NMNAT3: variants seen among roughly 807,000 people sequenced by gnomAD.
NMNAT3 encodes nicotinamide/nicotinic acid mononucleotide adenylyltransferase 3.
Under a neutral mutation model 24.8 loss-of-function variants are expected in NMNAT3, and 21 were observed. The observed-to-expected ratio is 0.85, with a 90% CI of 0.60 to 1.22. The LOEUF (loss-of-function observed/expected upper bound fraction) is 1.22. Among genes scored for constraint, NMNAT3 ranks in the 50% most tolerant of loss-of-function variants. The pLI, the probability that NMNAT3 is intolerant of heterozygous loss-of-function variation, is 0.00. For missense variants in NMNAT3, 387 were observed against 436.6 expected, an observed-to-expected ratio of 0.89 and a Z score of 1.01; for synonymous variants, 136 against 155.2, an observed-to-expected ratio of 0.88 and a Z score of 0.92.
intron 1 of NMNAT3, among the ~76,000 whole-genome samples, chr3:139,640,512 C>T (rs200160398): frequency 6.6e-6 from 1 of 152,122 alleles, no homozygotes; most frequent in African/African-American, 2.4e-5. Context: ...TTCATTCACT[C>T]AAAAAGAAAA....
At chr3:139,577,236 A>G (rs1939463839) in intron 5 of NMNAT3, among the ~76,000 whole-genome samples, 1 of 152,144 alleles carries the variant, frequency 6.6e-6, no homozygotes, top group Admixed American at 6.6e-5. Flanking sequence ...GTCAACTCCT[A>G]TTTATCCATG....
intron 6 of NMNAT3, among the ~76,000 whole-genome samples, chr3:139,573,235 A>G (rs1317035202): frequency 6.6e-6 from 1 of 152,216 alleles, no homozygotes; most frequent in East Asian, 1.9e-4. Flanking sequence ...AAGTTTTATA[A>G]TGGCATATTT....
chr3:139,642,396 T>C (rs1196334853), intron 1 of NMNAT3, among the ~76,000 whole-genome samples: 2 of 152,120 alleles, frequency 1.3e-5, no homozygotes, highest in African/African-American at 4.8e-5. Flanking sequence ...TTCTGCATAA[T>C]GTGGTCTCTA....
intron 5 of NMNAT3, among the ~76,000 whole-genome samples, chr3:139,578,010 T>C (rs1329545204): frequency 6.6e-6 from 1 of 152,240 alleles, no homozygotes; most frequent in Non-Finnish European, 1.5e-5. Context: ...TTGCCTCCCA[T>C]TTCCTGCCAA....
At chr3:139,657,336 T>C (rs1576764142) in intron 1 of NMNAT3, among the ~76,000 whole-genome samples, 1 of 152,378 alleles carries the variant, frequency 6.6e-6, no homozygotes, top group East Asian at 1.9e-4. Flanking sequence ...TTATAACTTC[T>C]TCCCTCAAGA....
At chr3:139,678,045 G>A, upstream of NMNAT3, 1 of 91,826 alleles carries the variant, frequency 1.1e-5, no homozygotes, top group Non-Finnish European at 2.3e-5. Flanking sequence ...GCCCCGCCCA[G>A]GGTCCTAAGC....
chr3:139,591,813 A>G (rs1384541928), intron 3 of NMNAT3, among the ~76,000 whole-genome samples: 1 of 152,258 alleles, frequency 6.6e-6, no homozygotes, highest in African/African-American at 2.4e-5. Flanking sequence ...CCAAAAACCC[A>G]TCTGTACTTC....
At chr3:139,607,007 C>G (rs1031060067) in intron 3 of NMNAT3, among the ~76,000 whole-genome samples, 1 of 152,090 alleles carries the variant, frequency 6.6e-6, no homozygotes, top group Non-Finnish European at 1.5e-5. Flanking sequence ...CTGGAATCAA[C>G]CATTTCTCCA....
intron 6 of NMNAT3, among the ~76,000 whole-genome samples, chr3:139,564,225 G>A (rs866673130): frequency 6.6e-6 from 1 of 152,108 alleles, no homozygotes; most frequent in Non-Finnish European, 1.5e-5. Context: ...CCTGTCTGGC[G>A]CAGCATGTGA....
In NMNAT3 at chr3:139,600,773, A is replaced by C. The variant is rs1028158090; in HGVS notation, c.110-17565T>G. On this transcript the variant is annotated intron_variant, in intron 3 of 6. Transcript: ENST00000643695. Reference sequence around the variant, plus strand: ...CATGTGGCACTGGTTGGCTGGCAGCACCTTCTGTGTGTCTGAGCCCTTACA... The same window carrying C: ...CATGTGGCACTGGTTGGCTGGCAGCCCCTTCTGTGTGTCTGAGCCCTTACA... Among the ~76,000 whole-genome samples the C allele has an allele frequency of 5.9e-5, 9 of 152,130 alleles. 1 individual carries two copies. Among genetic ancestry groups the C allele is most frequent in the Admixed American group, 5.2e-4 (8 of 15,258 alleles).
chr3:139,655,693 C>T (rs1221013149), intron 1 of NMNAT3, among the ~76,000 whole-genome samples: 1 of 152,228 alleles, frequency 6.6e-6, no homozygotes, highest in Non-Finnish European at 1.5e-5. Context: ...GTAAGCACTG[C>T]TGCATCTTTT....
At chr3:139,572,144 TG>T (rs1938478104) in intron 6 of NMNAT3, 1 of 398,912 alleles carries the variant, frequency 2.5e-6, no homozygotes, top group South Asian at 1.3e-4. Context: ...AGGTGGGGGC[TG>T]GGGCTGGCTG....
At chr3:139,652,458 T>A (rs2057087229) in intron 1 of NMNAT3, among the ~76,000 whole-genome samples, 1 of 152,270 alleles carries the variant, frequency 6.6e-6, no homozygotes, top group Middle Eastern at 3.4e-3. Context: ...TGCCCAAGAT[T>A]GCACAGCAAG....
intron 1 of NMNAT3, among the ~76,000 whole-genome samples, chr3:139,670,121 T>A (rs2057711797): frequency 6.6e-6 from 1 of 152,244 alleles, no homozygotes; most frequent in Non-Finnish European, 1.5e-5. Flanking sequence ...CAATGTAGTG[T>A]AACTGGGTCT....
At position 139,666,132 on chromosome 3, in the gene NMNAT3, C is replaced by T. The variant is rs118030040; in HGVS notation, c.-141+11573G>A. ...GTGGCAGGATGTATTTTCCAACCCA[C>T]GCACAACAGCATGCGCTGTCCACAT... On this transcript the variant is annotated intron_variant, in intron 1 of 6. Coordinates refer to ENST00000643695, the MANE Select transcript of NMNAT3 (RefSeq NM_001320510.2). Among the ~76,000 whole-genome samples, 1,087 of 152,276 alleles carry T rather than the reference C, an allele frequency of 7.1e-3. 12 individuals are homozygous for T. The East Asian group carries it at 0.078, about 11-fold the overall frequency.
chr3:139,606,195 C>T (rs910936822), intron 3 of NMNAT3, among the ~76,000 whole-genome samples: 2 of 152,136 alleles, frequency 1.3e-5, no homozygotes, highest in East Asian at 1.9e-4. Context: ...ACAGTTCAAT[C>T]GAGGATCTCA....
At chr3:139,580,182 T>C (rs914028508) in intron 4 of NMNAT3, among the ~76,000 whole-genome samples, 3 of 151,752 alleles carry the variant, frequency 2.0e-5, no homozygotes, top group Admixed American at 6.6e-5. Context: ...GAAATAACTT[T>C]CTTTTTGAGA....
At chr3:139,636,551 CA>C (rs1450512928) in intron 2 of NMNAT3, 2 of 152,124 alleles carry the variant, frequency 1.3e-5, no homozygotes, top group African/African-American at 2.4e-5. Context: ...TATGGCTTGG[CA>C]GTTTAATGAT....
intron 1 of NMNAT3, among the ~76,000 whole-genome samples, chr3:139,639,703 G>A (rs2056632989): frequency 6.6e-6 from 1 of 152,204 alleles, no homozygotes; most frequent in Admixed American, 6.5e-5. Flanking sequence ...GAGTAATAAA[G>A]TCTTTTGTCT....
Sources: allele counts gnomAD v4.1 joint callset (sites outside exome capture counted in the v4.1 genomes callset), GRCh38; gene constraint gnomAD v4.1.1; transcripts MANE v1.5; gene names NCBI Gene and HGNC (gene_info 2026-07-23, HGNC 2026-07-21).